ST8SIA1: variants seen among roughly 807,000 people sequenced by gnomAD.
ST8SIA1 encodes alpha-N-acetylneuraminide alpha-2,8-sialyltransferase.
Under a neutral mutation model 35.9 loss-of-function variants are expected in ST8SIA1, and 16 were observed. The observed-to-expected ratio is 0.45, with a 90% CI of 0.30 to 0.68. The LOEUF (loss-of-function observed/expected upper bound fraction) is 0.68, where lower values mean the gene tolerates loss of function less well. ST8SIA1 is among the 30% of genes least tolerant of loss of function. The probability of loss-of-function intolerance (pLI) is 0.09; values close to 1 mark genes in which losing one functional copy is unlikely to be tolerated. For missense variants in ST8SIA1, 383 were observed against 453.6 expected (o/e 0.84, Z 1.41); for synonymous variants, 170 against 169.6 (o/e 1.00, Z -0.02).
chr12:22,293,110 A>G (rs1023655383), intron 1 of ST8SIA1, among the ~76,000 whole-genome samples: 2 of 152,204 alleles, frequency 1.3e-5, no homozygotes, highest in African/African-American at 4.8e-5. Flanking sequence ...TAGACTGACA[A>G]ACATTTTCAG....
intron 4 of ST8SIA1, among the ~76,000 whole-genome samples, chr12:22,240,435 T>G (rs1042788714): frequency 6.6e-6 from 1 of 152,192 alleles, no homozygotes; most frequent in South Asian, 2.1e-4. Flanking sequence ...ATCTGCCTTC[T>G]AATTCCCTTA....
chr12:22,230,901 T>C (rs1229127344), intron 4 of ST8SIA1, among the ~76,000 whole-genome samples: 1 of 150,936 alleles, frequency 6.6e-6, no homozygotes. Flanking sequence ...CTAACCCACA[T>C]TTATCTTTAA....
chr12:22,204,762 C>T (rs953342069), intron 4 of ST8SIA1, among the ~76,000 whole-genome samples: 9 of 152,120 alleles, frequency 5.9e-5, no homozygotes, highest in Admixed American at 1.3e-4. Flanking sequence ...TTTACCTCTC[C>T]CATTCTGTGA....
chr12:22,277,570 T>C (rs1180086308), intron 2 of ST8SIA1, among the ~76,000 whole-genome samples: 6 of 152,078 alleles, frequency 3.9e-5, no homozygotes, highest in Non-Finnish European at 7.4e-5. Context: ...TGTCATCATG[T>C]TGGCCAGGCT....
chr12:22,262,228 T>C lies in ST8SIA1; in HGVS notation c.382-6839A>G, dbSNP rs1478995273. Reference sequence around the variant, plus strand: ...TATTCCTAGCTGACAAAATGACTTATGGAAAAACGCTATTCAAGTCTGAAG... The same window carrying C: ...TATTCCTAGCTGACAAAATGACTTACGGAAAAACGCTATTCAAGTCTGAAG... On this transcript the variant is annotated intron_variant, in intron 2 of 4. Transcript: ENST00000396037. Among the ~76,000 whole-genome samples, 5 of 152,214 alleles carry C rather than the reference T, an allele frequency of 3.3e-5. 1 individual carries two copies. In the East Asian group the frequency reaches 7.7e-4, roughly 23 times the overall value.
chr12:22,248,428 G>A (rs1865629164), intron 4 of ST8SIA1, among the ~76,000 whole-genome samples: 1 of 150,324 alleles, frequency 6.7e-6, no homozygotes, highest in South Asian at 2.1e-4. Context: ...TCCCACAGCA[G>A]CTTCCAAGAT....
chr12:22,210,459 C>A (rs1865164438), intron 4 of ST8SIA1, among the ~76,000 whole-genome samples: 1 of 151,222 alleles, frequency 6.6e-6, no homozygotes, highest in Non-Finnish European at 1.5e-5. Context: ...TGGGTTTTTT[C>A]CCCCACACAT....
intron 1 of ST8SIA1, among the ~76,000 whole-genome samples, chr12:22,293,141 G>C (rs540368514): frequency 5.8e-4 from 88 of 152,316 alleles, no homozygotes; most frequent in Non-Finnish European, 1.0e-3. Context: ...TCCAGGATTT[G>C]GGGTATTTGC....
chr12:22,210,850 C>T (rs766055063), intron 4 of ST8SIA1, among the ~76,000 whole-genome samples: 2 of 152,180 alleles, frequency 1.3e-5, no homozygotes, highest in Non-Finnish European at 2.9e-5. Context: ...AGACCATAAC[C>T]TACTCTTGTA....
chr12:22,318,205 C>T (rs1365036150), intron 1 of ST8SIA1, among the ~76,000 whole-genome samples: 1 of 152,164 alleles, frequency 6.6e-6, no homozygotes, highest in South Asian at 2.1e-4. Context: ...TAACTCAAAA[C>T]ATTATCACAT....
intron 1 of ST8SIA1, among the ~76,000 whole-genome samples, chr12:22,302,803 T>C (rs897209910): frequency 6.6e-6 from 1 of 152,134 alleles, no homozygotes; most frequent in Non-Finnish European, 1.5e-5. Flanking sequence ...AATGCATGTC[T>C]GATTGACACC....
Position 22,198,522 on chromosome 12 carries a change from T to TAC in ST8SIA1, c.*3028_*3029dup, listed in dbSNP as rs3063791. Reference sequence around the variant, plus strand: ...AGGATAGAGATGCCTAACTTCATGCTACACACACACACACACACACACACA... The same window carrying TAC: ...AGGATAGAGATGCCTAACTTCATGCTACACACACACACACACACACACACACA... On this transcript the variant is annotated 3_prime_UTR_variant, in exon 5 of 5. Coordinates refer to ENST00000396037, the MANE Select transcript of ST8SIA1 (RefSeq NM_003034.4). 12,379 of 132,898 alleles carry TAC rather than the reference T, an allele frequency of 0.093. 573 individuals carry two copies. The highest frequency in any genetic ancestry group is 0.14 in the Middle Eastern group (36 of 250). The allele number at this position is 132,898 out of a possible 1,614,324, so 8.2% of individuals were successfully genotyped here. A position where few individuals can be genotyped will look rare whatever the true frequency, so the allele number is the denominator to read the frequency against.
rs1201123626 is a variant in ST8SIA1 at position 22,197,988 on chromosome 12, T to C, written c.*3564A>G. 1 of 152,212 alleles carries C rather than the reference T, an allele frequency of 6.6e-6. No individual in the cohort carries two copies. The highest frequency in any genetic ancestry group is 1.9e-4 in the East Asian group (1 of 5,198). The allele number at this position is 152,212 out of a possible 1,614,324, so 9.4% of individuals were successfully genotyped here. On this transcript the variant is annotated 3_prime_UTR_variant, in exon 5 of 5. Transcript: ENST00000396037. ...ACAAAGCATATGTGTCTGTGAGTCA[T>C]TGTCCATATAAAAATCTTTCATATA... is the stretch of plus-strand genomic sequence containing the variant.
rs1158096219 is a variant in ST8SIA1, at chr12:22,218,819, CAAAAAAATAAATA to C, written c.585-16794_585-16782del. Among the ~76,000 whole-genome samples the C allele has an allele frequency of 5.4e-5, 8 of 149,080 alleles. 1 individual carries two copies. The Middle Eastern group carries it at 0.01, about 193-fold the overall frequency. On this transcript the variant is annotated intron_variant, in intron 4 of 4. Coordinates refer to ENST00000396037, the MANE Select transcript of ST8SIA1 (RefSeq NM_003034.4). The stretch of plus-strand genomic sequence containing the variant: ...TGGGCAACAGAGTGAGACTTGGTCT[CAAAAAAATAAATA>C]AATAAAATAAAATAAAATAAAAAAG...
At chr12:22,207,859 T>A (rs1391033021) in intron 4 of ST8SIA1, among the ~76,000 whole-genome samples, 1 of 151,820 alleles carries the variant, frequency 6.6e-6, no homozygotes, top group Non-Finnish European at 1.5e-5. Flanking sequence ...AATAGAAAAT[T>A]TCTAGCCAGG....
chr12:22,223,366 T>G, intron 4 of ST8SIA1: 1 of 198,652 alleles, frequency 5.0e-6, no homozygotes, highest in Non-Finnish European at 9.1e-6. Flanking sequence ...TAGAGTGTGG[T>G]GCATGTATGG....
At chr12:22,215,197 A>G (rs1329072020) in intron 4 of ST8SIA1, among the ~76,000 whole-genome samples, 1 of 152,194 alleles carries the variant, frequency 6.6e-6, no homozygotes, top group Non-Finnish European at 1.5e-5. Context: ...TCAAAAGTGC[A>G]TCTTTCTCTA....
intron 4 of ST8SIA1, among the ~76,000 whole-genome samples, chr12:22,233,157 C>T (rs955205172): frequency 2.0e-5 from 3 of 152,036 alleles, no homozygotes; most frequent in Admixed American, 6.6e-5. Context: ...GCGAGGAAGA[C>T]GACCAGATTA....
At chr12:22,285,484 A>T (rs1473649602) in intron 2 of ST8SIA1, among the ~76,000 whole-genome samples, 1 of 152,210 alleles carries the variant, frequency 6.6e-6, no homozygotes, top group Non-Finnish European at 1.5e-5. Flanking sequence ...TCACCAATAC[A>T]ATTCTGCTTT....
Sources: allele counts gnomAD v4.1 joint callset (sites outside exome capture counted in the v4.1 genomes callset), GRCh38; gene constraint gnomAD v4.1.1; transcripts MANE v1.5; gene names NCBI Gene and HGNC (gene_info 2026-07-23, HGNC 2026-07-21).